The following ATRNL1 variants were observed in gnomAD, a reference collection of about 807,000 sequenced individuals.
ATRNL1 encodes attractin like 1.
ATRNL1 carries 95 observed loss-of-function variants against 182.7 expected under a neutral mutation model. The ratio of observed to expected loss-of-function variants is 0.52; its 90% CI spans 0.44 to 0.62. The LOEUF (loss-of-function observed/expected upper bound fraction) is 0.62. Ranked by LOEUF, ATRNL1 falls within the 20% of genes least tolerant of loss-of-function variation. The probability of loss-of-function intolerance (pLI) is 0.00; values close to 1 mark genes in which losing one functional copy is unlikely to be tolerated. For synonymous variants in ATRNL1, 576 were observed against 568.3 expected (o/e 1.01, Z -0.19); for missense variants, 1,471 against 1,679.5 (o/e 0.88, Z 2.17).
rs372299995 is a variant in ATRNL1 at position 115,440,044 on chromosome 10, A to C, written c.3322+13742A>C. On this transcript the variant is annotated intron_variant, in intron 21 of 28. Coordinates refer to ENST00000355044, the MANE Select transcript of ATRNL1 (RefSeq NM_207303.4). ...GGTATGAACTCATGGATATCTATTT[A>C]ATTTTATGATTTATAAGAAATTACT... Among the ~76,000 whole-genome samples the C allele has an allele frequency of 1.2e-4, 18 of 151,968 alleles. No individual in the cohort carries two copies. The South Asian group carries it at 3.7e-3, about 32-fold the overall frequency.
intron 8 of ATRNL1, among the ~76,000 whole-genome samples, chr10:115,173,669 C>G (rs1847380231): frequency 1.3e-5 from 2 of 151,672 alleles, no homozygotes; most frequent in Non-Finnish European, 2.9e-5. Context: ...TTGTTATGTG[C>G]TTATTGTAAA....
chr10:115,623,059 A>T (rs1488058787), intron 26 of ATRNL1, among the ~76,000 whole-genome samples: 1 of 152,226 alleles, frequency 6.6e-6, no homozygotes, highest in Non-Finnish European at 1.5e-5. Context: ...GTATTTTTAA[A>T]AATGGCAAAA....
At chr10:115,345,955 T>C (rs1431688025) in intron 19 of ATRNL1, among the ~76,000 whole-genome samples, 2 of 152,248 alleles carry the variant, frequency 1.3e-5, no homozygotes, top group Non-Finnish European at 2.9e-5. Context: ...TAAATAATAC[T>C]GTGGTTTTGA....
At chr10:115,623,407 G>C (rs1343585788) in intron 26 of ATRNL1, among the ~76,000 whole-genome samples, 1 of 152,092 alleles carries the variant, frequency 6.6e-6, no homozygotes, top group Non-Finnish European at 1.5e-5. Flanking sequence ...AGAGGTAATT[G>C]AGGTAGAAAT....
At chr10:115,462,335 C>T (rs111454044) in intron 22 of ATRNL1, among the ~76,000 whole-genome samples, 3 of 152,060 alleles carry the variant, frequency 2.0e-5, no homozygotes, top group African/African-American at 4.8e-5. Flanking sequence ...AAAACTCGTT[C>T]GGGCGCAGTG....
chr10:115,514,532 A>C (rs2133686205), intron 24 of ATRNL1, among the ~76,000 whole-genome samples: 1 of 152,008 alleles, frequency 6.6e-6, no homozygotes, highest in East Asian at 1.9e-4. Context: ...TACTTGCCTG[A>C]AATTATGATC....
intron 28 of ATRNL1, among the ~76,000 whole-genome samples, chr10:115,851,155 A>G (rs1951045985): frequency 6.6e-6 from 1 of 151,852 alleles, no homozygotes; most frequent in African/African-American, 2.4e-5. Flanking sequence ...TTTGAAATGT[A>G]ACTTACTAAA....
At chr10:115,568,792 G>C (rs1854215090) in intron 26 of ATRNL1, among the ~76,000 whole-genome samples, 1 of 151,496 alleles carries the variant, frequency 6.6e-6, no homozygotes, top group East Asian at 1.9e-4. Context: ...AAATTAAAAA[G>C]TTTCACATTT....
intron 24 of ATRNL1, among the ~76,000 whole-genome samples, chr10:115,474,214 C>A (rs1848431154): frequency 6.6e-6 from 1 of 151,282 alleles, no homozygotes; most frequent in Admixed American, 6.6e-5. Flanking sequence ...TTCTGAAGGG[C>A]AACATTGCCA....
chr10:115,312,422 A>G (rs187814280), intron 17 of ATRNL1, among the ~76,000 whole-genome samples: 31 of 152,328 alleles, frequency 2.0e-4, no homozygotes, highest in African/African-American at 7.2e-4. Flanking sequence ...TAAGGAGGGT[A>G]AAGAGAGAAC....
At chr10:115,360,539 ATTG>A (rs1554943909) in intron 19 of ATRNL1, among the ~76,000 whole-genome samples, 1 of 151,536 alleles carries the variant, frequency 6.6e-6, no homozygotes, top group African/African-American at 2.4e-5. Flanking sequence ...ATTGATGCAT[ATTG>A]TTATTAAATA....
chr10:115,710,547 A>G (rs968226080), intron 26 of ATRNL1, among the ~76,000 whole-genome samples: 66 of 152,280 alleles, frequency 4.3e-4, no homozygotes, highest in African/African-American at 1.5e-3. Flanking sequence ...GATGTGATCC[A>G]TTCTTGATTT....
In ATRNL1 at chr10:115,679,837, C is replaced by T. The variant is rs1945991576; in HGVS notation, c.3796-47411C>T. On this transcript the variant is annotated intron_variant, in intron 26 of 28. Coordinates refer to ENST00000355044, the MANE Select transcript of ATRNL1 (RefSeq NM_207303.4). ...CTCAAATTTTTGGACTCTCTGAATT[C>T]CATTTCATTTCTCTTTGCAAACTGA... 7.2e-5 allele frequency among the ~76,000 whole-genome samples: 11 copies of T among 152,150 alleles called. No homozygotes were observed. The South Asian group carries it at 2.3e-3, about 32-fold the overall frequency.
chr10:115,121,650 CTG>C (rs1844741734), intron 2 of ATRNL1, 47 bp from the exon 3 acceptor site: 2 of 764,330 alleles, frequency 2.6e-6, no homozygotes, highest in Non-Finnish European at 4.1e-6. Context: ...TTTATTCACT[CTG>C]TGCTTTGTAT....
chr10:115,730,749 AG>A (rs1947772747), intron 27 of ATRNL1, among the ~76,000 whole-genome samples: 1 of 152,114 alleles, frequency 6.6e-6, no homozygotes, highest in South Asian at 2.1e-4. Context: ...TGTATTAGTC[AG>A]GGTTCTATAG....
intron 27 of ATRNL1, among the ~76,000 whole-genome samples, chr10:115,809,433 G>T (rs1183719206): frequency 1.3e-5 from 2 of 151,938 alleles, no homozygotes; most frequent in East Asian, 3.9e-4. Context: ...GAAGTCTTGT[G>T]TCTCTTCTAA....
chr10:115,919,770 G>C (rs1188612284), intron 28 of ATRNL1, among the ~76,000 whole-genome samples: 1 of 152,108 alleles, frequency 6.6e-6, no homozygotes, highest in South Asian at 2.1e-4. Context: ...GAAGATCAAG[G>C]TGCTAGAAGA....
intron 13 of ATRNL1, among the ~76,000 whole-genome samples, chr10:115,277,595 T>C (rs1269434751): frequency 2.0e-5 from 3 of 151,854 alleles, no homozygotes; most frequent in African/African-American, 4.8e-5. Context: ...AACAAAAAGA[T>C]TGAGGTGGGG....
chr10:115,331,519 T>C (rs1855222185), intron 18 of ATRNL1, among the ~76,000 whole-genome samples: 1 of 152,246 alleles, frequency 6.6e-6, no homozygotes, highest in Admixed American at 6.5e-5. Context: ...AGCAGCTATA[T>C]TTTAATTCTT....
Sources: allele counts gnomAD v4.1 joint callset (sites outside exome capture counted in the v4.1 genomes callset), GRCh38; gene constraint gnomAD v4.1.1; transcripts MANE v1.5; gene names NCBI Gene and HGNC (gene_info 2026-07-23, HGNC 2026-07-21).